ABCC4: variants seen among roughly 807,000 people sequenced by gnomAD.
The protein encoded by ABCC4 is ATP binding cassette subfamily C member 4 (PEL blood group), also known as ATP-binding cassette sub-family C member 4.
Under a neutral mutation model 168.5 loss-of-function variants are expected in ABCC4, and 102 were observed. That is an observed-to-expected ratio of 0.61 (90% CI 0.52 to 0.71). The LOEUF (loss-of-function observed/expected upper bound fraction) is 0.71, where lower values mean the gene tolerates loss of function less well. ABCC4 is among the 30% of genes least tolerant of loss of function. The pLI, the probability that ABCC4 is intolerant of heterozygous loss-of-function variation, is 0.00. For synonymous variants in ABCC4, 617 were observed against 590.7 expected (o/e 1.04, Z -0.65); for missense variants, 1,402 against 1,605.8 (o/e 0.87, Z 2.17).
chr13:95,266,488 G>A (rs1486906246), intron 1 of ABCC4, among the ~76,000 whole-genome samples: 2 of 152,218 alleles, frequency 1.3e-5, no homozygotes, highest in Non-Finnish European at 2.9e-5. Flanking sequence ...CACCAAGTAT[G>A]TAGGAATTTG....
intron 24 of ABCC4, 78 bp downstream of exon 24, chr13:95,073,126 A>T: frequency 1.7e-6 from 2 of 1,175,876 alleles, no homozygotes; most frequent in African/African-American, 3.0e-5. Context: ...CAGTTTTAAT[A>T]TTTCACATAA....
chr13:95,207,390 A>T (rs1228778833), intron 7 of ABCC4, among the ~76,000 whole-genome samples: 1 of 152,240 alleles, frequency 6.6e-6, no homozygotes, highest in East Asian at 1.9e-4. Context: ...GTTTGGAATG[A>T]AAAATACTGA....
intron 8 of ABCC4, 61 bp from the exon 9 acceptor site, chr13:95,194,998 G>A: frequency 7.2e-7 from 1 of 1,383,068 alleles, no homozygotes; most frequent in Non-Finnish European, 1.0e-6. Flanking sequence ...ACAAACAAAA[G>A]TCACTGCTTC....
At chr13:95,064,260 GTA>G (rs753635232) in intron 25 of ABCC4, among the ~76,000 whole-genome samples, 136 of 21,480 alleles carry the variant, frequency 6.3e-3, no homozygotes, top group South Asian at 0.019. Context: ...GTGTGTGTGT[GTA>G]TATATATATA....
At chr13:95,276,807 C>T (rs771525857) in intron 1 of ABCC4, among the ~76,000 whole-genome samples, 1 of 152,144 alleles carries the variant, frequency 6.6e-6, no homozygotes, top group Non-Finnish European at 1.5e-5. Context: ...TCACCTGAGG[C>T]CAGGAGTCCG....
intron 1 of ABCC4, among the ~76,000 whole-genome samples, chr13:95,289,508 G>A (rs2041339073): frequency 6.6e-6 from 1 of 152,088 alleles, no homozygotes; most frequent in African/African-American, 2.4e-5. Flanking sequence ...CCCTCAACAA[G>A]GGGTTACTAT....
chr13:95,236,270 T>C (rs763410727), intron 3 of ABCC4, among the ~76,000 whole-genome samples: 3 of 152,174 alleles, frequency 2.0e-5, no homozygotes, highest in Non-Finnish European at 4.4e-5. Context: ...TCGACATCAT[T>C]TCCTCCTGAC....
At chr13:95,094,747 G>T (rs1566411294) in intron 20 of ABCC4, among the ~76,000 whole-genome samples, 1 of 152,092 alleles carries the variant, frequency 6.6e-6, no homozygotes, top group African/African-American at 2.4e-5. Flanking sequence ...CACAGAGTGG[G>T]AGTAAATCTT....
chr13:95,096,786 G>A (rs2127296), intron 20 of ABCC4, among the ~76,000 whole-genome samples: 69,014 of 152,086 alleles, frequency 0.45, 17,351 homozygotes, highest in South Asian at 0.69. Context: ...GTCTCTAGCA[G>A]ACCAGCCTGA....
intron 29 of ABCC4, 194 bp downstream of exon 29, chr13:95,043,487 GC>G (rs1157578070): frequency 2.1e-6 from 1 of 477,642 alleles, no homozygotes; most frequent in African/African-American, 1.9e-5. Flanking sequence ...ATGATTATAT[GC>G]AAAGAGATAC....
intron 23 of ABCC4, 184 bp from the exon 24 acceptor site, chr13:95,073,488 T>A (rs1332117039): frequency 2.5e-6 from 1 of 405,590 alleles, no homozygotes; most frequent in East Asian, 3.8e-5. Flanking sequence ...CAACACTGTA[T>A]ATTTAGAAAA....
intron 8 of ABCC4, 90 bp from the exon 9 acceptor site, chr13:95,195,027 A>C: frequency 9.4e-7 from 1 of 1,058,762 alleles, no homozygotes. Context: ...TTGTAACATA[A>C]AACTTTATAC....
chr13:95,072,447 G>A (rs1451953630), intron 24 of ABCC4, among the ~76,000 whole-genome samples: 1 of 152,090 alleles, frequency 6.6e-6, no homozygotes, highest in Admixed American at 6.6e-5. Flanking sequence ...GGGTACAAGA[G>A]CAAAACTCTG....
At chr13:95,246,372 G>A (rs1239482621) in intron 3 of ABCC4, among the ~76,000 whole-genome samples, 2 of 152,174 alleles carry the variant, frequency 1.3e-5, no homozygotes, top group Non-Finnish European at 2.9e-5. Flanking sequence ...ACTGGGAGGG[G>A]GTAGCTCTTG....
At chr13:95,300,989 T>C (rs2041662186) in intron 1 of ABCC4, among the ~76,000 whole-genome samples, 1 of 151,870 alleles carries the variant, frequency 6.6e-6, no homozygotes, top group Non-Finnish European at 1.5e-5. Flanking sequence ...GGGCCTCCAG[T>C]AGCAAAGCCA....
chr13:95,145,028 C>A (rs947282572), intron 19 of ABCC4, among the ~76,000 whole-genome samples: 1 of 151,824 alleles, frequency 6.6e-6, no homozygotes, highest in Admixed American at 6.6e-5. Context: ...AAACAGTCAC[C>A]AAGCATATGA....
chr13:95,223,785 C>T lies in ABCC4; in HGVS notation c.531+10825G>A, dbSNP rs184900216. 1.1e-4 allele frequency among the ~76,000 whole-genome samples: 16 copies of T among 152,186 alleles called. No individual in the cohort carries two copies. In the East Asian group the frequency reaches 2.5e-3, roughly 24 times the overall value. ...CCAAAGTGTTGGGATTACATGCCAC[C>T]GTGCCTGGCCAGTGTAAAGTATTTT... On this transcript the variant is annotated intron_variant, in intron 4 of 30. Coordinates refer to ENST00000645237, the MANE Select transcript of ABCC4 (RefSeq NM_005845.5).
At chr13:95,211,141 A>C (rs1354977879) in intron 4 of ABCC4, among the ~76,000 whole-genome samples, 1 of 152,238 alleles carries the variant, frequency 6.6e-6, no homozygotes, top group African/African-American at 2.4e-5. Flanking sequence ...GAGGACGTGG[A>C]CTATAAATCC....
chr13:95,186,225 T>A (rs981476549), intron 11 of ABCC4, among the ~76,000 whole-genome samples: 2 of 150,734 alleles, frequency 1.3e-5, no homozygotes. Flanking sequence ...AGTAATAAGG[T>A]ATTACAGATA....
Sources: allele counts gnomAD v4.1 joint callset (sites outside exome capture counted in the v4.1 genomes callset), GRCh38; gene constraint gnomAD v4.1.1; transcripts MANE v1.5; gene names NCBI Gene and HGNC (gene_info 2026-07-23, HGNC 2026-07-21).